GMDS: variants seen among roughly 807,000 people sequenced by gnomAD.
The protein encoded by GMDS is GDP-mannose 4,6-dehydratase.
In GMDS, 20 loss-of-function variants were observed where a neutral mutation model predicts 49.9. The observed-to-expected ratio is 0.40, with a 90% CI of 0.28 to 0.58. The LOEUF (loss-of-function observed/expected upper bound fraction) is 0.58. GMDS is among the 20% of genes least tolerant of loss of function. GMDS has a pLI of 0.42. For missense variants in GMDS, 362 were observed against 481.4 expected (o/e 0.75, Z 2.32); for synonymous variants, 177 against 178.6 (o/e 0.99, Z 0.07).
chr6:1,940,946 G>A (rs1004840366), intron 6 of GMDS, among the ~76,000 whole-genome samples: 2 of 152,126 alleles, frequency 1.3e-5, no homozygotes, highest in African/African-American at 2.4e-5. Context: ...TAGATGCCAG[G>A]AGCACCCCCT....
intron 9 of GMDS, among the ~76,000 whole-genome samples, chr6:1,646,696 A>G (rs1341986694): frequency 1.3e-5 from 2 of 152,172 alleles, no homozygotes; most frequent in Non-Finnish European, 1.5e-5. Context: ...GTATCTTTCA[A>G]TATGATCCCA....
At chr6:1,729,782 A>G (rs77571115) in intron 8 of GMDS, among the ~76,000 whole-genome samples, 3,524 of 152,330 alleles carry the variant, frequency 0.023, 141 homozygotes, top group African/African-American at 0.079. Flanking sequence ...GATCCTGTAT[A>G]ATTCAATTTT....
At chr6:1,853,642 C>T (rs1285161208) in intron 7 of GMDS, among the ~76,000 whole-genome samples, 2 of 151,460 alleles carry the variant, frequency 1.3e-5, no homozygotes, top group African/African-American at 4.9e-5. Context: ...TTCAAGATGT[C>T]TATGTGGGCT....
At chr6:1,859,678 C>T (rs1359086348) in intron 7 of GMDS, among the ~76,000 whole-genome samples, 1 of 152,122 alleles carries the variant, frequency 6.6e-6, no homozygotes, top group Non-Finnish European at 1.5e-5. Flanking sequence ...CAGCCTGGAC[C>T]AGGAGTGAAG....
intron 9 of GMDS, among the ~76,000 whole-genome samples, chr6:1,660,817 A>G (rs1381203030): frequency 6.7e-6 from 1 of 148,294 alleles, no homozygotes; most frequent in African/African-American, 2.5e-5. Context: ...GAATATTCTC[A>G]TGCGGACCTG....
At chr6:2,077,165 G>A (rs1772393699) in intron 4 of GMDS, among the ~76,000 whole-genome samples, 1 of 151,926 alleles carries the variant, frequency 6.6e-6, no homozygotes, top group Admixed American at 6.6e-5. Context: ...GGCTGAATTT[G>A]TTTATCAGTT....
At chr6:1,737,568 CACACACACAAAAAT>C (rs1253676817) in intron 8 of GMDS, among the ~76,000 whole-genome samples, 3 of 144,458 alleles carry the variant, frequency 2.1e-5, no homozygotes, top group African/African-American at 7.7e-5. Flanking sequence ...ACACACACAC[CACACACACAAAAAT>C]ACACACACAT....
At chr6:2,014,139 A>G (rs1468051992) in intron 4 of GMDS, among the ~76,000 whole-genome samples, 1 of 142,676 alleles carries the variant, frequency 7.0e-6, no homozygotes, top group Admixed American at 6.9e-5. Context: ...AAATAAAAAT[A>G]AAAACTTTCT....
chr6:2,219,147 G>A lies in GMDS; in HGVS notation c.102+26174C>T, dbSNP rs558776873. 2.6e-5 allele frequency among the ~76,000 whole-genome samples: 4 copies of A among 152,268 alleles called. No individual in the cohort carries two copies. In the South Asian group the frequency reaches 8.3e-4, roughly 32 times the overall value. On this transcript the variant is annotated intron_variant, in intron 1 of 10. Transcript: ENST00000380815. ...GCAACAGGTCGGTCCTCTGAGAAGA[G>A]GAAATGGGGAGGTGGCGGACAGGCA...
At chr6:1,878,292 G>A (rs1759191703) in intron 7 of GMDS, among the ~76,000 whole-genome samples, 1 of 138,396 alleles carries the variant, frequency 7.2e-6, no homozygotes, top group South Asian at 2.4e-4. Flanking sequence ...TCCAGCCTGG[G>A]TGACAGAGCG....
chr6:2,032,448 TACC>T (rs1479054671), intron 4 of GMDS, among the ~76,000 whole-genome samples: 7 of 152,326 alleles, frequency 4.6e-5, no homozygotes, highest in African/African-American at 7.2e-5. Flanking sequence ...TCATTTTTGG[TACC>T]ACAATATTAA....
intron 6 of GMDS, among the ~76,000 whole-genome samples, chr6:1,944,277 C>T (rs1279937806): frequency 2.0e-5 from 3 of 152,124 alleles, no homozygotes; most frequent in South Asian, 2.1e-4. Context: ...GAGGCCGAGG[C>T]GGACGGATCA....
At chr6:2,066,312 C>T (rs1285977033) in intron 4 of GMDS, among the ~76,000 whole-genome samples, 1 of 146,496 alleles carries the variant, frequency 6.8e-6, no homozygotes, top group Non-Finnish European at 1.5e-5. Flanking sequence ...ACTGCAAAAT[C>T]ATGCCAAAAT....
At chr6:1,823,196 A>C (rs1277411179) in intron 7 of GMDS, among the ~76,000 whole-genome samples, 1 of 152,210 alleles carries the variant, frequency 6.6e-6, no homozygotes. Context: ...TTATATTTAA[A>C]TGCCCTCTAG....
At position 1,645,693 on chromosome 6, in the gene GMDS, C is replaced by T. The variant is rs1334596142; in HGVS notation, c.988-21153G>A. Among the ~76,000 whole-genome samples the T allele has an allele frequency of 3.3e-5, 5 of 152,350 alleles. No individual in the cohort carries two copies. In the East Asian group the frequency reaches 7.7e-4, roughly 24 times the overall value. On this transcript the variant is annotated intron_variant, in intron 9 of 10. Transcript: ENST00000380815. ...CTATGTGAGGACATCACTCTATCTT[C>T]AGCCTTTGCCTTTCTCCTGGATTCC... is the stretch of plus-strand genomic sequence containing the variant.
intron 7 of GMDS, among the ~76,000 whole-genome samples, chr6:1,845,969 T>C (rs1231504912): frequency 6.6e-6 from 1 of 151,894 alleles, no homozygotes; most frequent in East Asian, 1.9e-4. Flanking sequence ...CATAGTGGAG[T>C]AGCATTGAAT....
At chr6:1,666,315 T>G (rs1274808249) in intron 9 of GMDS, among the ~76,000 whole-genome samples, 1 of 150,924 alleles carries the variant, frequency 6.6e-6, no homozygotes, top group East Asian at 2.0e-4. Context: ...AGTGTGGATC[T>G]GGTGGGCTAG....
chr6:2,196,000 T>C (rs3800178), intron 1 of GMDS, among the ~76,000 whole-genome samples: 27,467 of 151,964 alleles, frequency 0.18, 2,794 homozygotes, highest in Admixed American at 0.22. Flanking sequence ...AAGATGACAA[T>C]TGGGGACTGA....
intron 6 of GMDS, among the ~76,000 whole-genome samples, chr6:1,933,097 T>A (rs1762371661): frequency 6.6e-6 from 1 of 152,196 alleles, no homozygotes; most frequent in Non-Finnish European, 1.5e-5. Context: ...TAGATTTGCC[T>A]ATTCTGGACA....
Sources: gnomAD v4.1 joint callset for allele counts (sites outside exome capture counted in the v4.1 genomes callset) on GRCh38, gnomAD v4.1.1 for gene constraint, MANE v1.5 for transcripts, NCBI Gene and HGNC (gene_info 2026-07-23, HGNC 2026-07-21) for gene names.